Variants in REEP1 observed in about 807,000 individuals in gnomAD.
The protein encoded by REEP1 is receptor accessory protein 1.
Under a neutral mutation model 40.3 loss-of-function variants are expected in REEP1, and 22 were observed. The observed-to-expected ratio is 0.55, with a 90% CI of 0.39 to 0.78. REEP1 has a LOEUF of 0.78. Among genes scored for constraint, REEP1 ranks in the 30% least tolerant of loss-of-function variants. The probability of loss-of-function intolerance (pLI) is 0.00; values close to 1 mark genes in which losing one functional copy is unlikely to be tolerated. For missense variants in REEP1, 280 were observed against 361.1 expected, an observed-to-expected ratio of 0.78 and a Z score of 1.82; for synonymous variants, 116 against 139.2, an observed-to-expected ratio of 0.83 and a Z score of 1.17.
intron 6 of REEP1, 114 bp from the exon 7 acceptor site, chr2:86,227,512 G>A (rs1048602774): frequency 2.4e-6 from 2 of 839,240 alleles, no homozygotes; most frequent in Non-Finnish European, 3.2e-6. Flanking sequence ...GTACAATATA[G>A]GGATCCCAGG....
chr2:86,227,982 T>C (rs772937844), intron 6 of REEP1, among the ~76,000 whole-genome samples: 44 of 152,206 alleles, frequency 2.9e-4, no homozygotes, highest in Non-Finnish European at 5.0e-4. Context: ...GTGCTAGGCA[T>C]TCAGCATATG....
chr2:86,328,153 GGTGCTCATGAGAAAAA>G (rs916720953), intron 1 of REEP1, among the ~76,000 whole-genome samples: 1 of 152,044 alleles, frequency 6.6e-6, no homozygotes, highest in African/African-American at 2.4e-5. Flanking sequence ...CTCAGCTTCA[GGTGCTCATGAGAAAAA>G]GTCCTTGCAT....
intron 3 of REEP1, among the ~76,000 whole-genome samples, chr2:86,257,575 C>A (rs1676631476): frequency 6.6e-6 from 1 of 151,842 alleles, no homozygotes; most frequent in African/African-American, 2.4e-5. Flanking sequence ...CACATACATA[C>A]AATCAACAGT....
intron 1 of REEP1, among the ~76,000 whole-genome samples, chr2:86,290,185 C>T (rs1037899478): frequency 9.9e-5 from 15 of 151,784 alleles, no homozygotes; most frequent in African/African-American, 2.9e-4. Context: ...TTAGTGGAGA[C>T]GGGGATTCAC....
At chr2:86,263,256 G>C (rs1322005342) in intron 3 of REEP1, among the ~76,000 whole-genome samples, 1 of 152,176 alleles carries the variant, frequency 6.6e-6, no homozygotes, top group Non-Finnish European at 1.5e-5. Flanking sequence ...TTGAGACACA[G>C]TCTTGCTCTG....
chr2:86,314,931 T>C (rs1396108960), intron 1 of REEP1, among the ~76,000 whole-genome samples: 1 of 151,948 alleles, frequency 6.6e-6, no homozygotes, highest in African/African-American at 2.4e-5. Context: ...GAACTCAAGC[T>C]ATCCACTCAC....
chr2:86,280,111 C>A (rs756377434), intron 2 of REEP1: 4 of 449,434 alleles, frequency 8.9e-6, no homozygotes, highest in African/African-American at 6.0e-5. Context: ...AGGAAACTCG[C>A]AGGTTTCTCT....
At chr2:86,291,551 TA>T (rs1364456405) in intron 1 of REEP1, among the ~76,000 whole-genome samples, 1 of 152,076 alleles carries the variant, frequency 6.6e-6, no homozygotes, top group Non-Finnish European at 1.5e-5. Context: ...CTTCCTTGGG[TA>T]ACCCACCTCA....
chr2:86,311,393 C>T (rs1679759122), intron 1 of REEP1, among the ~76,000 whole-genome samples: 1 of 152,082 alleles, frequency 6.6e-6, no homozygotes, highest in African/African-American at 2.4e-5. Flanking sequence ...AATTTCCTAG[C>T]TTAAAACAAC....
intron 1 of REEP1, among the ~76,000 whole-genome samples, chr2:86,291,561 C>T (rs1678694198): frequency 6.6e-6 from 1 of 152,128 alleles, no homozygotes; most frequent in Admixed American, 6.5e-5. Flanking sequence ...TAACCCACCT[C>T]ACAAACATCT....
chr2:86,305,424 C>G (rs1201213447), intron 1 of REEP1, among the ~76,000 whole-genome samples: 1 of 152,246 alleles, frequency 6.6e-6, no homozygotes, highest in East Asian at 1.9e-4. Flanking sequence ...CCACATCAGC[C>G]CAGCTGCTCT....
chr2:86,260,988 A>T (rs1281251447), intron 3 of REEP1, among the ~76,000 whole-genome samples: 1 of 152,200 alleles, frequency 6.6e-6, no homozygotes, highest in African/African-American at 2.4e-5. Flanking sequence ...ATAGTTGTTG[A>T]GCACTTACTA....
chr2:86,280,690 C>A (rs897636613), intron 2 of REEP1, among the ~76,000 whole-genome samples: 8 of 152,198 alleles, frequency 5.3e-5, no homozygotes, highest in African/African-American at 1.9e-4. Flanking sequence ...CAGACCCAGT[C>A]TCCAGAAGAA....
chr2:86,337,353 A>C lies in REEP1; in HGVS notation c.32+126T>G. ...GTCCTCGGCGGCTACTGTACCTGCT[A>C]AATTTAGCTGCGCCGGGTATTAATA... On this transcript the variant is annotated intron_variant, in intron 1 of 8. Coordinates refer to ENST00000538924, the MANE Select transcript of REEP1 (RefSeq NM_001371279.1). The surrounding 1 kb of genome is among the most constrained non-coding windows in gnomAD (Gnocchi z 5.8). 3 of 550,604 alleles carry C rather than the reference A, an allele frequency of 5.4e-6. No individual in the cohort carries two copies. Among genetic ancestry groups the C allele is most frequent in the African/African-American group, 2.0e-5 (1 of 49,642 alleles). The allele number at this position is 550,604 out of a possible 1,614,324, so 34.1% of individuals were successfully genotyped here.
At chr2:86,229,006 C>G (rs1459421740) in intron 6 of REEP1, among the ~76,000 whole-genome samples, 1 of 152,196 alleles carries the variant, frequency 6.6e-6, no homozygotes, top group East Asian at 1.9e-4. Flanking sequence ...ACTGTGTGCA[C>G]CCTTAATCTG....
At chr2:86,291,563 C>A (rs989758854) in intron 1 of REEP1, among the ~76,000 whole-genome samples, 2 of 152,144 alleles carry the variant, frequency 1.3e-5, no homozygotes, top group African/African-American at 4.8e-5. Context: ...ACCCACCTCA[C>A]AAACATCTCA....
At chr2:86,288,588 T>C (rs1678536054) in intron 1 of REEP1, among the ~76,000 whole-genome samples, 1 of 152,252 alleles carries the variant, frequency 6.6e-6, no homozygotes, top group African/African-American at 2.4e-5. Flanking sequence ...TTATTATACA[T>C]GTCTCCTTGG....
At chr2:86,305,671 C>T (rs963513089) in intron 1 of REEP1, among the ~76,000 whole-genome samples, 5 of 152,216 alleles carry the variant, frequency 3.3e-5, no homozygotes, top group African/African-American at 1.2e-4. Context: ...GACCCCTGCC[C>T]TCTGTACCAC....
At chr2:86,244,773 G>A (rs1675841980) in intron 5 of REEP1, among the ~76,000 whole-genome samples, 1 of 152,210 alleles carries the variant, frequency 6.6e-6, no homozygotes, top group Non-Finnish European at 1.5e-5. Flanking sequence ...CAAAGGGCTT[G>A]GGGCAGTGCT....
Sources: allele counts gnomAD v4.1 joint callset (sites outside exome capture counted in the v4.1 genomes callset), GRCh38; gene constraint gnomAD v4.1.1; non-coding constraint Gnocchi (gnomAD v3.1); transcripts MANE v1.5; gene names NCBI Gene and HGNC (gene_info 2026-07-23, HGNC 2026-07-21).